Variants in SCMH1 observed in about 807,000 individuals in gnomAD.
The protein encoded by SCMH1 is Scm polycomb group protein homolog 1.
SCMH1 carries 37 observed loss-of-function variants against 70.8 expected under a neutral mutation model. That is an observed-to-expected ratio of 0.52 (90% CI 0.40 to 0.69). The LOEUF is 0.69. Among genes scored for constraint, SCMH1 ranks in the 30% least tolerant of loss-of-function variants. The probability of loss-of-function intolerance (pLI) is 0.00; values close to 1 mark genes in which losing one functional copy is unlikely to be tolerated. For missense variants in SCMH1, 607 were observed against 827.3 expected (o/e 0.73, Z 3.27); for synonymous variants, 292 against 307.4 (o/e 0.95, Z 0.52).
intron 1 of SCMH1, among the ~76,000 whole-genome samples, chr1:41,207,043 C>G (rs1363033381): frequency 6.6e-6 from 1 of 152,152 alleles, no homozygotes; most frequent in East Asian, 1.9e-4. Flanking sequence ...GAAGAAAGCA[C>G]TAAACATTGA....
chr1:41,089,270 A>G (rs1662622831), intron 8 of SCMH1, among the ~76,000 whole-genome samples: 1 of 152,244 alleles, frequency 6.6e-6, no homozygotes, highest in African/African-American at 2.4e-5. Flanking sequence ...TTCTAAGCAT[A>G]GTATATCTGC....
At chr1:41,097,764 T>C (rs1179941056) in intron 8 of SCMH1, among the ~76,000 whole-genome samples, 1 of 152,268 alleles carries the variant, frequency 6.6e-6, no homozygotes, top group East Asian at 1.9e-4. Flanking sequence ...TAACCCATCA[T>C]TACCTCTATT....
intron 2 of SCMH1, among the ~76,000 whole-genome samples, chr1:41,178,594 G>A (rs1647715853): frequency 1.3e-5 from 2 of 152,128 alleles, no homozygotes; most frequent in Admixed American, 6.5e-5. Flanking sequence ...CCTAGTCTCT[G>A]ATAAAACAGA....
chr1:41,141,990 T>A (rs976069695), intron 6 of SCMH1, among the ~76,000 whole-genome samples: 1 of 152,230 alleles, frequency 6.6e-6, no homozygotes, highest in East Asian at 1.9e-4. Flanking sequence ...AATCATGCTA[T>A]GTTTAACAAT....
intron 6 of SCMH1, among the ~76,000 whole-genome samples, chr1:41,132,759 T>C (rs1418069322): frequency 6.6e-6 from 1 of 152,232 alleles, no homozygotes; most frequent in East Asian, 1.9e-4. Context: ...TTTCTACATA[T>C]GGCCAGCCAG....
chr1:41,161,800 C>T (rs1022482343), intron 2 of SCMH1, among the ~76,000 whole-genome samples: 2 of 152,172 alleles, frequency 1.3e-5, no homozygotes, highest in African/African-American at 4.8e-5. Context: ...GGAATGATCA[C>T]AATTATTTAA....
At chr1:41,206,311 G>T in intron 1 of SCMH1, among the ~76,000 whole-genome samples, 1 of 152,170 alleles carries the variant, frequency 6.6e-6, no homozygotes, top group East Asian at 1.9e-4. Flanking sequence ...AAGATTAGAT[G>T]AATGGCTAAC....
intron 13 of SCMH1, among the ~76,000 whole-genome samples, chr1:41,029,657 C>A (rs1644249957): frequency 6.6e-6 from 1 of 152,132 alleles, no homozygotes; most frequent in Non-Finnish European, 1.5e-5. Context: ...AGATCTTTTA[C>A]ATGTTTTATT....
In SCMH1 at chr1:41,160,901, A is replaced by G. The variant is rs1645963118; in HGVS notation, c.83-3T>C. 3 of 1,550,204 alleles carry G rather than the reference A, an allele frequency of 1.9e-6. No homozygotes were observed. The highest frequency in any genetic ancestry group is 2.0e-5 in the Admixed American group (1 of 51,002). ...TAGATCCAGGATGTCAGCAGCTTCT[A>G]GTAAAGAAAAAAATGTTGGAGCATA... On this transcript the variant is annotated splice_region_variant and splice_polypyrimidine_tract_variant and intron_variant, in intron 3 of 14. Coordinates refer to ENST00000337495, the Ensembl canonical transcript of SCMH1.
intron 2 of SCMH1, among the ~76,000 whole-genome samples, chr1:41,169,056 T>C (rs976102938): frequency 6.6e-6 from 1 of 152,168 alleles, no homozygotes; most frequent in Non-Finnish European, 1.5e-5. Context: ...CAAATTCAGG[T>C]TGCACCCTCT....
exon 15 of SCMH1, chr1:41,027,930 A>G: frequency 2.2e-6 from 1 of 461,148 alleles, no homozygotes. Context: ...GCCAGGGTTG[A>G]GAAATAAATA....
chr1:41,042,654 T>A (rs928117731), intron 12 of SCMH1, among the ~76,000 whole-genome samples: 4 of 152,020 alleles, frequency 2.6e-5, no homozygotes, highest in African/African-American at 4.8e-5. Context: ...TCCCTTGACT[T>A]CTTCTTTTAC....
intron 4 of SCMH1, among the ~76,000 whole-genome samples, chr1:41,158,300 G>C (rs1557690853): frequency 2.6e-5 from 4 of 152,188 alleles, no homozygotes; most frequent in Non-Finnish European, 4.4e-5. Flanking sequence ...TCTAGTGACA[G>C]ACAGAGAATC....
chr1:41,146,298 A>C (rs1184167661), intron 5 of SCMH1, among the ~76,000 whole-genome samples: 1 of 152,192 alleles, frequency 6.6e-6, no homozygotes, highest in Non-Finnish European at 1.5e-5. Flanking sequence ...AGAGTCAAAA[A>C]AGTTAAAAAA....
intron 2 of SCMH1, among the ~76,000 whole-genome samples, chr1:41,163,984 A>T (rs1428543896): frequency 6.6e-6 from 1 of 152,130 alleles, no homozygotes; most frequent in Non-Finnish European, 1.5e-5. Context: ...AGGAGAATAT[A>T]TTTTCCTTGG....
intron 10 of SCMH1, among the ~76,000 whole-genome samples, chr1:41,051,592 G>A (rs1648171813): frequency 1.3e-5 from 2 of 151,996 alleles, no homozygotes; most frequent in Admixed American, 1.3e-4. Flanking sequence ...GTAGGCCTAG[G>A]CTAATGTGTG....
Position 41,042,932 on chromosome 1 carries a change from C to A in SCMH1, c.1498+3475G>T, listed in dbSNP as rs1010363910. Among the ~76,000 whole-genome samples the A allele has an allele frequency of 2.0e-5, 3 of 152,046 alleles. No homozygotes were observed. In the East Asian group the frequency reaches 5.8e-4, roughly 29 times the overall value. On this transcript the variant is annotated intron_variant, in intron 12 of 14. Coordinates refer to ENST00000337495, the Ensembl canonical transcript of SCMH1. ...AAGATAGAAAAAAAAAGGTGGATAA[C>A]TGTTCTAGATAAAGGAAACTAAAGA... is the stretch of plus-strand genomic sequence containing the variant.
intron 12 of SCMH1, among the ~76,000 whole-genome samples, chr1:41,040,114 GC>G (rs1197985028): frequency 3.3e-5 from 5 of 152,092 alleles, no homozygotes; most frequent in Admixed American, 6.5e-5. Flanking sequence ...GAGGAAAAAT[GC>G]TTAAACTTCC....
chr1:41,037,803 A>G (rs1374353681), intron 12 of SCMH1, among the ~76,000 whole-genome samples: 2 of 152,190 alleles, frequency 1.3e-5, no homozygotes, highest in African/African-American at 4.8e-5. Context: ...TAGATGCCCT[A>G]TGCTTTTTCT....
Sources: gnomAD v4.1 joint callset for allele counts (sites outside exome capture counted in the v4.1 genomes callset) on GRCh38, gnomAD v4.1.1 for gene constraint, MANE v1.5 for transcripts, NCBI Gene and HGNC (gene_info 2026-07-23, HGNC 2026-07-21) for gene names.